RNF14: variants seen among roughly 807,000 people sequenced by gnomAD.
The protein encoded by RNF14 is ring finger protein 14.
In RNF14, 26 loss-of-function variants were observed where a neutral mutation model predicts 52.6. That is an observed-to-expected ratio of 0.49 (90% CI 0.36 to 0.69). RNF14 has a LOEUF of 0.69. Ranked by LOEUF, RNF14 falls within the 30% of genes least tolerant of loss-of-function variation. The probability of loss-of-function intolerance (pLI) is 0.00; values close to 1 mark genes in which losing one functional copy is unlikely to be tolerated. For synonymous variants in RNF14, 194 were observed against 202.0 expected (o/e 0.96, Z 0.34); for missense variants, 404 against 560.4 (o/e 0.72, Z 2.82).
chr5:141,989,295 C>T lies in RNF14; in HGVS notation c.*1505C>T, dbSNP rs1200094328. ...TAAGAAAAAAAAGGTCACAGAATAG[C>T]ATCTCTTTTACCTGGGCTTGTGACT... is the stretch of plus-strand genomic sequence containing the variant. On this transcript the variant is annotated 3_prime_UTR_variant, in exon 9 of 9. Coordinates refer to ENST00000394520, the MANE Select transcript of RNF14 (RefSeq NM_004290.5). 1 of 152,244 alleles carries T rather than the reference C, an allele frequency of 6.6e-6. No individual in the cohort carries two copies. 9.4% of individuals were successfully genotyped at this position (152,244 alleles called of 1,614,324 possible). A position where few individuals can be genotyped will look rare whatever the true frequency, so the allele number is the denominator to read the frequency against.
At chr5:141,951,579 C>A in the RNF14 span, 2 of 1,614,108 alleles carry the variant, frequency 1.2e-6, no homozygotes, top group Non-Finnish European at 1.7e-6. Flanking sequence ...AGGACAGCAG[C>A]TGGGAGATTT....
At chr5:141,981,536 A>G (rs1754774401) in intron 6 of RNF14, 1 of 152,188 alleles carries the variant, frequency 6.6e-6, no homozygotes, top group African/African-American at 2.4e-5. Context: ...CTTTACCATA[A>G]ATAGTTTGAG....
At chr5:141,957,093 G>T, upstream of RNF14, 1 of 1,614,142 alleles carries the variant, frequency 6.2e-7, no homozygotes, top group South Asian at 1.1e-5. This position sits in a 1 kb window ranked among gnomAD's most constrained non-coding sequence, Gnocchi z 4.3. Context: ...CATCTTCTTG[G>T]ATTTCCAGTG....
At chr5:141,987,482 A>G (rs1755342081) in intron 8 of RNF14, among the ~76,000 whole-genome samples, 2 of 152,156 alleles carry the variant, frequency 1.3e-5, no homozygotes, top group East Asian at 1.9e-4. Context: ...AAGACAGCCA[A>G]TTAAATCTTC....
upstream of RNF14, chr5:141,957,677 G>T (rs1395450393): frequency 1.9e-6 from 3 of 1,614,012 alleles, no homozygotes; most frequent in East Asian, 4.5e-5. This position sits in a 1 kb window ranked among gnomAD's most constrained non-coding sequence, Gnocchi z 4.3. Context: ...GCTTGCCTCC[G>T]CCTCTCCTCC....
At position 141,974,829 on chromosome 5, in the gene RNF14, T is replaced by G. The variant is rs367880202; in HGVS notation, c.180T>G (p.Asn60Lys). ...GCAATTCAAATGAGTGTCTCCAGAA[T>G]AGTGGCTTTGAATACACCATTTGCT... ...VSGNSNECLQ[N>K]SGFEYTICFL... is the part of the protein sequence containing the mutation. Residue 60 changes from asparagine to lysine, a missense_variant, in exon 4 of 9, where the codon AAT becomes AAG. Transcript: ENST00000394520. 1.9e-4 allele frequency: 311 copies of G among 1,613,942 alleles called. No individual in the cohort carries two copies. The highest frequency in any genetic ancestry group is 2.2e-4 in the Non-Finnish European group (259 of 1,179,944).
At chr5:141,956,495 T>C (rs374167629), upstream of RNF14, 1 of 1,614,140 alleles carries the variant, frequency 6.2e-7, no homozygotes, top group Non-Finnish European at 8.5e-7. Flanking sequence ...TTGTCGTTGA[T>C]GTCACTGATC....
chr5:141,978,472 C>G lies in RNF14; in HGVS notation c.476C>G (p.Ala159Gly), dbSNP rs1454553364. The stretch of plus-strand genomic sequence containing the variant: ...CAGAAAAAAGTGCAGAGAAGGACAG[C>G]TCAAGCTTCTCCCAACACAGAGCTA... The part of the protein sequence containing the change: ...GSQKKVQRRT[A>G]QASPNTELDF... The change falls in exon 5 of 9, where the codon GCT (alanine) becomes GGT (glycine). Residue 159 changes from alanine to glycine, a missense_variant. Ala to Gly is a moderately conservative substitution (Grantham distance 60, BLOSUM62 0). Transcript: ENST00000394520. 2 of 1,614,026 alleles carry G rather than the reference C, an allele frequency of 1.2e-6. No individual in the cohort carries two copies. Among genetic ancestry groups the G allele is most frequent in the Admixed American group, 1.7e-5 (1 of 59,998 alleles).
chr5:141,971,345 G>A (rs969831974), intron 2 of RNF14, among the ~76,000 whole-genome samples: 3 of 152,078 alleles, frequency 2.0e-5, no homozygotes, highest in Non-Finnish European at 4.4e-5. Flanking sequence ...AGGCTCAAGC[G>A]ATCCTCCTGC....
rs1431291947 is a variant in RNF14, at chr5:141,970,833, C to T, written c.-51C>T. 2 of 152,340 alleles carry T rather than the reference C, an allele frequency of 1.3e-5. No homozygotes were observed. The highest frequency in any genetic ancestry group is 2.9e-5 in the Non-Finnish European group (2 of 68,044). 9.4% of individuals were successfully genotyped at this position (152,340 alleles called of 1,614,324 possible). ...ATGAACTCCACTCTGAGCTGAAATA[C>T]AGACTGCGGTGTTAATATCCTTTTC... On this transcript the variant is annotated 5_prime_UTR_variant, in exon 2 of 9. Coordinates refer to ENST00000394520, the MANE Select transcript of RNF14 (RefSeq NM_004290.5).
the RNF14 span, chr5:141,949,677 A>C: frequency 1.4e-6 from 2 of 1,459,576 alleles, no homozygotes; most frequent in Middle Eastern, 1.8e-4. Context: ...TTACCCATAT[A>C]GGGAACTGGA....
chr5:141,986,679 C>T lies in RNF14; in HGVS notation c.1368-1054C>T, dbSNP rs142321168. Among the ~76,000 whole-genome samples, 135 of 152,214 alleles carry T rather than the reference C, an allele frequency of 8.9e-4. 1 individual carries two copies. The East Asian group carries it at 0.022, about 25-fold the overall frequency. ...TTTATTTCTCATAAAGAGTTGAAGCCGGCAAGGTGGCTGTTATGACAGGTT... is the reference window on the plus strand; with the variant it reads ...TTTATTTCTCATAAAGAGTTGAAGCTGGCAAGGTGGCTGTTATGACAGGTT... On this transcript the variant is annotated intron_variant, in intron 8 of 8. Transcript: ENST00000394520.
At chr5:141,959,893 G>A (rs1398626997) in intron 1 of RNF14, among the ~76,000 whole-genome samples, 3 of 152,150 alleles carry the variant, frequency 2.0e-5, no homozygotes, top group African/African-American at 4.8e-5. Context: ...GGCTGTCATC[G>A]ATCTCACAAG....
chr5:141,985,642 GC>G (rs755536470), intron 8 of RNF14, among the ~76,000 whole-genome samples: 26 of 151,980 alleles, frequency 1.7e-4, no homozygotes, highest in Admixed American at 3.9e-4. Flanking sequence ...TGCAAGCTCC[GC>G]CTCCCGGGTT....
intron 6 of RNF14, among the ~76,000 whole-genome samples, chr5:141,981,204 T>C (rs1421659298): frequency 6.6e-6 from 1 of 152,226 alleles, no homozygotes; most frequent in Non-Finnish European, 1.5e-5. Context: ...ATTGTTATAT[T>C]TGTTACACTG....
intron 5 of RNF14, among the ~76,000 whole-genome samples, chr5:141,979,259 G>A (rs1390293691): frequency 6.6e-6 from 1 of 151,876 alleles, no homozygotes; most frequent in Non-Finnish European, 1.5e-5. Flanking sequence ...TGTTGTTGTT[G>A]TTTTGTTTGA....
chr5:141,972,005 T>C (rs553197467), intron 2 of RNF14, among the ~76,000 whole-genome samples: 12 of 152,162 alleles, frequency 7.9e-5, no homozygotes, highest in Non-Finnish European at 1.5e-4. Context: ...TTAAAATTAT[T>C]ATCTTTTAAA....
intron 1 of RNF14, among the ~76,000 whole-genome samples, chr5:141,960,210 A>G (rs75001959): frequency 0.016 from 2,406 of 152,266 alleles, 62 homozygotes; most frequent in African/African-American, 0.053. Flanking sequence ...CCGCCCCGCA[A>G]TCGTCCCCCT....
chr5:141,955,526 G>C (rs763675085), upstream of RNF14: 1 of 1,614,020 alleles, frequency 6.2e-7, no homozygotes, highest in East Asian at 2.2e-5. This position sits in a 1 kb window ranked among gnomAD's most constrained non-coding sequence, Gnocchi z 5.5. Context: ...GGCACGAGGT[G>C]GATGTCTGCC....
Sources: gnomAD v4.1 joint callset for allele counts (sites outside exome capture counted in the v4.1 genomes callset) on GRCh38, gnomAD v4.1.1 for gene constraint, Gnocchi (gnomAD v3.1) non-coding constraint, MANE v1.5 for transcripts, NCBI Gene and HGNC (gene_info 2026-07-23, HGNC 2026-07-21) for gene names.